Variants in CDH13 observed in about 807,000 individuals in gnomAD.
CDH13 encodes the protein cadherin-13.
CDH13 carries 24 observed loss-of-function variants against 63.8 expected under a neutral mutation model. That is an observed-to-expected ratio of 0.38 (90% CI 0.27 to 0.53). CDH13 has a LOEUF of 0.53. Ranked by LOEUF, CDH13 falls within the 20% of genes least tolerant of loss-of-function variation. CDH13 has a pLI of 0.85. For missense variants in CDH13, 1,049 were observed against 903.1 expected (o/e 1.16, Z -2.07); for synonymous variants, 503 against 355.3 (o/e 1.42, Z -4.67).
chr16:82,819,021 C>G (rs2037866737), intron 1 of CDH13, among the ~76,000 whole-genome samples: 1 of 152,160 alleles, frequency 6.6e-6, no homozygotes, highest in Non-Finnish European at 1.5e-5. Flanking sequence ...GACATTCTTT[C>G]AGCAAAATCA....
chr16:83,417,662 C>T (rs1173179407), intron 6 of CDH13, among the ~76,000 whole-genome samples: 1 of 152,188 alleles, frequency 6.6e-6, no homozygotes, highest in African/African-American at 2.4e-5. Context: ...GCTAGAGAAA[C>T]TCCAAAGCAA....
chr16:82,968,759 T>G (rs1026736469), intron 2 of CDH13, among the ~76,000 whole-genome samples: 4 of 152,218 alleles, frequency 2.6e-5, no homozygotes, highest in African/African-American at 4.8e-5. Flanking sequence ...ATAACTATTT[T>G]TGACACTCCG....
intron 1 of CDH13, among the ~76,000 whole-genome samples, chr16:82,746,551 C>A (rs2034183337): frequency 6.6e-6 from 1 of 152,066 alleles, no homozygotes; most frequent in East Asian, 1.9e-4. Flanking sequence ...AGAAATATGA[C>A]TTTATGCCTT....
rs1567513988 is a variant in CDH13, at chr16:83,216,424, ATAT to A, written c.484-920_484-918del. ...TATATATATATATATATATATATAT[ATAT>A]ATATATATATATATATACACAACCC... On this transcript the variant is annotated intron_variant, in intron 4 of 13. Transcript: ENST00000567109. Among the ~76,000 whole-genome samples, 46 of 92,620 alleles carry A rather than the reference ATAT, an allele frequency of 5.0e-4. 7 individuals are homozygous for A. In the South Asian group the frequency reaches 5.1e-3, roughly 10 times the overall value. 60.8% of individuals were successfully genotyped at this position (92,620 alleles called of 152,430 possible).
intron 7 of CDH13, among the ~76,000 whole-genome samples, chr16:83,601,515 C>T (rs1268990579): frequency 6.6e-6 from 1 of 151,994 alleles, no homozygotes; most frequent in Non-Finnish European, 1.5e-5. Context: ...GCCTGTGCGA[C>T]AAAAAAGACA....
chr16:82,679,037 C>G lies in CDH13; in HGVS notation c.45+51900C>G, dbSNP rs537458068. On this transcript the variant is annotated intron_variant, in intron 1 of 13. Coordinates refer to ENST00000567109, the MANE Select transcript of CDH13 (RefSeq NM_001257.5). ...CTGTGGGCAGCTGAGGCACACTCCT[C>G]CCAAGACAGCTATAGAAAGTGCCTC... Among the ~76,000 whole-genome samples, 6 of 152,276 alleles carry G rather than the reference C, an allele frequency of 3.9e-5. No individual in the cohort carries two copies. In the East Asian group the frequency reaches 7.7e-4, roughly 20 times the overall value.
At chr16:83,369,139 A>C (rs1362566556) in intron 6 of CDH13, among the ~76,000 whole-genome samples, 1 of 151,594 alleles carries the variant, frequency 6.6e-6, no homozygotes, top group East Asian at 1.9e-4. Flanking sequence ...AGGAATCTCC[A>C]CACTGTTTTT....
rs1598099041 is a variant in CDH13 at position 83,472,396 on chromosome 16, C to G, written c.782-14081C>G. Among the ~76,000 whole-genome samples, 5 of 152,328 alleles carry G rather than the reference C, an allele frequency of 3.3e-5. 1 individual carries two copies. Among genetic ancestry groups the G allele is most frequent in the Admixed American group, 3.3e-4 (5 of 15,304 alleles). On this transcript the variant is annotated intron_variant, in intron 6 of 13. Coordinates refer to ENST00000567109, the MANE Select transcript of CDH13 (RefSeq NM_001257.5). The stretch of plus-strand genomic sequence containing the variant: ...AACAAAGGGGAATTGATGAATAGAT[C>G]TCTCCCCTAACAAGAGGCTGGAGAT...
chr16:83,784,965 A>G (rs1448831994), intron 13 of CDH13, among the ~76,000 whole-genome samples: 1 of 152,250 alleles, frequency 6.6e-6, no homozygotes, highest in Admixed American at 6.5e-5. Context: ...GAGAAAATAG[A>G]AATCAAGAGG....
intron 4 of CDH13, among the ~76,000 whole-genome samples, chr16:83,140,860 C>G (rs1012253693): frequency 6.6e-6 from 1 of 152,190 alleles, no homozygotes; most frequent in Non-Finnish European, 1.5e-5. Flanking sequence ...CGGACTGACC[C>G]AAGGTTTAAG....
At chr16:83,547,307 T>C (rs1003247023) in intron 7 of CDH13, among the ~76,000 whole-genome samples, 1 of 152,218 alleles carries the variant, frequency 6.6e-6, no homozygotes, top group Non-Finnish European at 1.5e-5. Flanking sequence ...GTTTAATCTA[T>C]TTTTTAGCTT....
intron 13 of CDH13, among the ~76,000 whole-genome samples, chr16:83,791,532 G>T (rs1431124482): frequency 6.6e-6 from 1 of 151,906 alleles, no homozygotes; most frequent in Non-Finnish European, 1.5e-5. Context: ...TGCATGCCTG[G>T]CTGGGTGGGG....
chr16:83,393,976 C>G (rs1481335173), intron 6 of CDH13, among the ~76,000 whole-genome samples: 1 of 152,116 alleles, frequency 6.6e-6, no homozygotes, highest in African/African-American at 2.4e-5. Flanking sequence ...GGTCATTATC[C>G]TTAGCAAACT....
intron 8 of CDH13, among the ~76,000 whole-genome samples, chr16:83,660,145 C>G (rs1187921714): frequency 6.6e-6 from 1 of 152,024 alleles, no homozygotes; most frequent in Non-Finnish European, 1.5e-5. Context: ...TTTCCACGGA[C>G]CAGGATTGCG....
chr16:82,900,526 A>G (rs1337173269), intron 2 of CDH13, among the ~76,000 whole-genome samples: 1 of 152,248 alleles, frequency 6.6e-6, no homozygotes, highest in Non-Finnish European at 1.5e-5. Context: ...AGAGGTGGGT[A>G]GAATTGAGAA....
At chr16:82,843,525 G>C (rs1450303644) in intron 1 of CDH13, among the ~76,000 whole-genome samples, 2 of 152,106 alleles carry the variant, frequency 1.3e-5, no homozygotes, top group African/African-American at 4.8e-5. Flanking sequence ...ATTTGTGCTT[G>C]ATTTGTTTCT....
chr16:83,397,046 C>G (rs1384577624), intron 6 of CDH13, among the ~76,000 whole-genome samples: 1 of 152,112 alleles, frequency 6.6e-6, no homozygotes. Context: ...CAGCTGTGAT[C>G]TATGTCCTCG....
chr16:83,795,287 C>T lies in CDH13; in HGVS notation c.*257C>T. ...TAAAGATCATGACATATGACTTGATCTTCTGGGAGCAGGAACAATGACTAC... is the reference window on the plus strand; with the variant it reads ...TAAAGATCATGACATATGACTTGATTTTCTGGGAGCAGGAACAATGACTAC... On this transcript the variant is annotated 3_prime_UTR_variant, in exon 14 of 14. Coordinates refer to ENST00000567109, the MANE Select transcript of CDH13 (RefSeq NM_001257.5). The T allele has an allele frequency of 2.1e-6, 1 of 483,902 alleles. No individual in the cohort carries two copies. The highest frequency in any genetic ancestry group is 2.7e-5 in the South Asian group (1 of 37,168). The allele number at this position is 483,902 out of a possible 1,614,324, so 30.0% of individuals were successfully genotyped here.
chr16:82,637,658 C>G (rs1254603272), intron 1 of CDH13: 1 of 150,504 alleles, frequency 6.6e-6, no homozygotes, highest in African/African-American at 2.4e-5. Flanking sequence ...AGGATGGTCT[C>G]GATCTCCTGA....
Sources: allele counts gnomAD v4.1 joint callset (sites outside exome capture counted in the v4.1 genomes callset), GRCh38; gene constraint gnomAD v4.1.1; transcripts MANE v1.5; gene names NCBI Gene and HGNC (gene_info 2026-07-23, HGNC 2026-07-21).